Variants in ZBTB44 observed in about 807,000 individuals in gnomAD.
ZBTB44 encodes zinc finger and BTB domain-containing protein 44.
In ZBTB44, 15 loss-of-function variants were observed where a neutral mutation model predicts 54.0. That is an observed-to-expected ratio of 0.28 (90% confidence interval 0.19 to 0.43). ZBTB44 has a LOEUF of 0.43. ZBTB44 is among the 20% of genes least tolerant of loss of function. The probability of loss-of-function intolerance (pLI) is 1.00; values close to 1 mark genes in which losing one functional copy is unlikely to be tolerated. For synonymous variants in ZBTB44, 230 were observed against 250.1 expected (o/e 0.92, Z 0.76); for missense variants, 487 against 707.1 (o/e 0.69, Z 3.53).
intron 1 of ZBTB44, among the ~76,000 whole-genome samples, chr11:130,309,782 C>T (rs1942481954): frequency 6.6e-6 from 1 of 151,288 alleles, no homozygotes; most frequent in Admixed American, 6.6e-5. Context: ...ATCCCAGCTA[C>T]TAGGGAGGCT....
chr11:130,281,885 G>T (rs1303431740), intron 1 of ZBTB44, among the ~76,000 whole-genome samples: 2 of 152,158 alleles, frequency 1.3e-5, no homozygotes, highest in African/African-American at 4.8e-5. Flanking sequence ...GATTATAGGC[G>T]TGAGCCACCG....
chr11:130,261,774 T>C lies in ZBTB44; in HGVS notation c.100A>G (p.Thr34Ala). 6.2e-7 allele frequency: 1 copy of C among 1,614,046 alleles called. No individual in the cohort carries two copies. The highest frequency in any genetic ancestry group is 8.5e-7 in the Non-Finnish European group (1 of 1,179,900). Reference sequence around the variant, plus strand: ...AAGATTTTGTCCTGGACACGAATAGTGATATCACAAAAATGTCCATCATTT... The same window carrying C: ...AAGATTTTGTCCTGGACACGAATAGCGATATCACAAAAATGTCCATCATTT... ...LRNDGHFCDI[T>A]IRVQDKIFRA... Residue 34 changes from threonine (T) to alanine (A), a missense_variant, in exon 2 of 8, where the codon ACT (threonine) becomes GCT (alanine). Around this residue, in one of 3 missense-constraint regions of ZBTB44, gnomAD observed 90 missense variants for 160.3 expected, o/e 0.56. Transcript: ENST00000357899. The surrounding 1 kb of genome is among the most constrained non-coding windows in gnomAD (Gnocchi z 4.8).
chr11:130,314,219 G>A (rs1942805504), intron 1 of ZBTB44, among the ~76,000 whole-genome samples, 156 bp downstream of exon 1: 1 of 152,178 alleles, frequency 6.6e-6, no homozygotes, highest in Non-Finnish European at 1.5e-5. Context: ...ATGCCACCGA[G>A]GGGATCCCGT....
intron 2 of ZBTB44, 91 bp downstream of exon 2, chr11:130,260,761 CTATA>C: frequency 7.4e-7 from 1 of 1,358,648 alleles, no homozygotes; most frequent in Non-Finnish European, 9.8e-7. Flanking sequence ...TTTATATTTC[CTATA>C]TGACCGAGCA....
intron 1 of ZBTB44, among the ~76,000 whole-genome samples, chr11:130,276,150 C>T (rs554900499): frequency 6.3e-4 from 90 of 143,114 alleles, no homozygotes; most frequent in African/African-American, 2.2e-3. Context: ...CGCTTGAACT[C>T]GGGAGGCAGA....
intron 1 of ZBTB44, chr11:130,296,253 C>CAGG (rs1941636090): frequency 2.1e-6 from 3 of 1,411,874 alleles, no homozygotes; most frequent in Non-Finnish European, 1.9e-6. Flanking sequence ...TGGTCTTGAG[C>CAGG]AGGGATATGT....
rs1953858841 is a variant in ZBTB44 at position 130,231,051 on chromosome 11, T to C, written c.*713A>G. ...GAAAGATAGCTACGTTTAAGCACTC[T>C]AAACTGGAATATTTATGTTTAGTTA... On this transcript the variant is annotated 3_prime_UTR_variant, in exon 8 of 8. Coordinates refer to ENST00000357899, the MANE Select transcript of ZBTB44 (RefSeq NM_001301098.2). The C allele has an allele frequency of 6.6e-6, 1 of 152,160 alleles. No homozygotes were observed. The highest frequency in any genetic ancestry group is 2.4e-5 in the African/African-American group (1 of 41,462). The allele number at this position is 152,160 out of a possible 1,614,324, so 9.4% of individuals were successfully genotyped here.
Position 130,314,617 on chromosome 11 carries a change from G to C in ZBTB44, c.-299C>G, listed in dbSNP as rs1435741695. On this transcript the variant is annotated 5_prime_UTR_variant, in exon 1 of 8. Transcript: ENST00000357899. ...GCGTGCCCGCGAGTGGGAGTGCGAGGAGGCGGGGAGGGAAGCACCCCCAGC... is the reference window on the plus strand; with the variant it reads ...GCGTGCCCGCGAGTGGGAGTGCGAGCAGGCGGGGAGGGAAGCACCCCCAGC... 1 of 152,116 alleles carries C rather than the reference G, an allele frequency of 6.6e-6. No homozygotes were observed. The highest frequency in any genetic ancestry group is 6.5e-5 in the Admixed American group (1 of 15,276). 9.4% of individuals were successfully genotyped at this position (152,116 alleles called of 1,614,324 possible).
Position 130,294,470 on chromosome 11 carries a change from A to C in ZBTB44, c.-57+19905T>G, listed in dbSNP as rs554528774. Among the ~76,000 whole-genome samples the C allele has an allele frequency of 4.0e-4, 60 of 150,618 alleles. No individual in the cohort carries two copies. In the East Asian group the frequency reaches 4.2e-3, roughly 10 times the overall value. On this transcript the variant is annotated intron_variant, in intron 1 of 7. Coordinates refer to ENST00000357899, the MANE Select transcript of ZBTB44 (RefSeq NM_001301098.2). The stretch of plus-strand genomic sequence containing the variant: ...GTGTTAAATGAGGAGACAGAAAATC[A>C]AATTAAATTGTCCATTTCCCTATAA...
At chr11:130,313,751 G>C (rs79411714) in intron 1 of ZBTB44, among the ~76,000 whole-genome samples, 9,537 of 152,054 alleles carry the variant, frequency 0.063, 740 homozygotes, top group African/African-American at 0.18. Context: ...GGGTTTTATT[G>C]TAAATTCTGC....
At position 130,296,526 on chromosome 11, in the gene ZBTB44, T is replaced by C. The variant is rs1175338608; in HGVS notation, c.-57+17849A>G. On this transcript the variant is annotated intron_variant, in intron 1 of 7. Coordinates refer to ENST00000357899, the MANE Select transcript of ZBTB44 (RefSeq NM_001301098.2). The stretch of plus-strand genomic sequence containing the variant: ...GCAAGAGGACTGGACATTCCTCAAG[T>C]CAACTGGATTGTTCACTATGACCAT... The C allele has an allele frequency of 4.5e-6, 4 of 886,910 alleles. No homozygotes were observed. In the East Asian group the frequency reaches 9.7e-5, roughly 21 times the overall value. The allele number at this position is 886,910 out of a possible 1,614,324, so 54.9% of individuals were successfully genotyped here.
chr11:130,302,868 G>C (rs931328943), intron 1 of ZBTB44, among the ~76,000 whole-genome samples: 3 of 152,056 alleles, frequency 2.0e-5, no homozygotes, highest in Non-Finnish European at 4.4e-5. Context: ...CCAGCTACTC[G>C]GGAGGCTGAG....
intron 1 of ZBTB44, among the ~76,000 whole-genome samples, chr11:130,306,558 G>T (rs1050958746): frequency 6.6e-6 from 1 of 151,352 alleles, no homozygotes; most frequent in African/African-American, 2.4e-5. Context: ...TCCCACTACT[G>T]GGTATCTACC....
intron 1 of ZBTB44, among the ~76,000 whole-genome samples, chr11:130,299,268 A>C (rs1426538000): frequency 6.6e-6 from 1 of 152,232 alleles, no homozygotes; most frequent in Non-Finnish European, 1.5e-5. Flanking sequence ...TCACCAAAAC[A>C]GAAAAAAATA....
chr11:130,292,034 T>C (rs1941327791), intron 1 of ZBTB44, among the ~76,000 whole-genome samples: 1 of 152,216 alleles, frequency 6.6e-6, no homozygotes, highest in South Asian at 2.1e-4. Flanking sequence ...TGTACTCTTT[T>C]TTTCTGGCTT....
At chr11:130,257,756 G>A (rs888377821) in intron 2 of ZBTB44, among the ~76,000 whole-genome samples, 6 of 152,132 alleles carry the variant, frequency 3.9e-5, no homozygotes, top group Non-Finnish European at 7.4e-5. Flanking sequence ...TGGTCTTCCC[G>A]GTTCTCCAAT....
At position 130,276,480 on chromosome 11, in the gene ZBTB44, G is replaced by A. The variant is rs560275098; in HGVS notation, c.-56-14551C>T. Among the ~76,000 whole-genome samples, 6 of 150,892 alleles carry A rather than the reference G, an allele frequency of 4.0e-5. No individual in the cohort carries two copies. The South Asian group carries it at 1.3e-3, about 32-fold the overall frequency. ...GACAGAGTCTTGCTGTGTTGCCCAG[G>A]CTGGAGTGCAGTGGCATGATCTTGA... On this transcript the variant is annotated intron_variant, in intron 1 of 7. Coordinates refer to ENST00000357899, the MANE Select transcript of ZBTB44 (RefSeq NM_001301098.2).
Position 130,238,697 on chromosome 11 carries a change from A to G in ZBTB44, c.1104-90T>C, listed in dbSNP as rs1388036993. The G allele has an allele frequency of 1.2e-5, 15 of 1,276,246 alleles. No homozygotes were observed. In the East Asian group the frequency reaches 4.2e-4, roughly 36 times the overall value. The allele number at this position is 1,276,246 out of a possible 1,614,324, so 79.1% of individuals were successfully genotyped here. On this transcript the variant is annotated intron_variant, in intron 3 of 7. Coordinates refer to ENST00000357899, the MANE Select transcript of ZBTB44 (RefSeq NM_001301098.2). Reference sequence around the variant, plus strand: ...AGGTCAATTTTAAATGAAAAAAGATAAAACACTTAAAGACTTTTTGAAACA... The same window carrying G: ...AGGTCAATTTTAAATGAAAAAAGATGAAACACTTAAAGACTTTTTGAAACA...
chr11:130,273,893 A>ACCCCCCCCCCCC (rs147788703), intron 1 of ZBTB44, among the ~76,000 whole-genome samples: 1 of 140,736 alleles, frequency 7.1e-6, no homozygotes, highest in African/African-American at 2.6e-5. Flanking sequence ...ACATGGAGAG[A>ACCCCCCCCCCCC]CCCCACCCGC....
Sources: allele counts gnomAD v4.1 joint callset (sites outside exome capture counted in the v4.1 genomes callset), GRCh38; gene constraint gnomAD v4.1.1; regional missense constraint gnomAD v4.1.1; non-coding constraint Gnocchi (gnomAD v3.1); transcripts MANE v1.5; gene names NCBI Gene and HGNC (gene_info 2026-07-23, HGNC 2026-07-21).